The following NEDD9 variants were observed in gnomAD, a reference collection of about 807,000 sequenced individuals.
The protein encoded by NEDD9 is enhancer of filamentation 1.
In NEDD9, 26 loss-of-function variants were observed where a neutral mutation model predicts 76.6. The ratio of observed to expected loss-of-function variants is 0.34; its 90% CI spans 0.25 to 0.47. The LOEUF is 0.47. Ranked by LOEUF, NEDD9 falls within the 20% of genes least tolerant of loss-of-function variation. NEDD9 has a pLI of 1.00. For synonymous variants in NEDD9, 392 were observed against 414.2 expected, an observed-to-expected ratio of 0.95 and a Z score of 0.65; for missense variants, 937 against 1,058.5, an observed-to-expected ratio of 0.89 and a Z score of 1.59.
In NEDD9 at chr6:11,287,774, G is replaced by A. The variant is rs552582596; in HGVS notation, c.12+18218C>T. Among the ~76,000 whole-genome samples the A allele has an allele frequency of 3.1e-4, 47 of 152,282 alleles. No homozygotes were observed. In the South Asian group the frequency reaches 9.1e-3, roughly 30 times the overall value. On this transcript the variant is annotated intron_variant, in intron 3 of 3. Transcript: ENST00000397378. ...GAGTTTGGGGCAGAGAGTAGCAAAAGGATAAGGTTAAGACGCTAACCCATC... is the reference window on the plus strand; with the variant it reads ...GAGTTTGGGGCAGAGAGTAGCAAAAAGATAAGGTTAAGACGCTAACCCATC...
intron 1 of NEDD9, among the ~76,000 whole-genome samples, chr6:11,343,318 A>T (rs1275756385): frequency 6.6e-6 from 1 of 151,932 alleles, no homozygotes; most frequent in Non-Finnish European, 1.5e-5. Flanking sequence ...AATCCCAGCT[A>T]CTCAGGAGGC....
intron 3 of NEDD9, among the ~76,000 whole-genome samples, chr6:11,287,322 G>GGAGGCT (rs1405984178): frequency 6.6e-6 from 1 of 152,174 alleles, no homozygotes; most frequent in Non-Finnish European, 1.5e-5. Flanking sequence ...CAGACGCTCA[G>GGAGGCT]GAGGCTGAGG....
intron 3 of NEDD9, among the ~76,000 whole-genome samples, chr6:11,247,698 T>C (rs1054063180): frequency 2.6e-5 from 4 of 152,254 alleles, no homozygotes; most frequent in African/African-American, 9.6e-5. Context: ...TTCAGCCTGA[T>C]TTCAAAGGCT....
intron 3 of NEDD9, among the ~76,000 whole-genome samples, chr6:11,281,635 T>C (rs1319416279): frequency 6.6e-6 from 1 of 152,202 alleles, no homozygotes; most frequent in Non-Finnish European, 1.5e-5. Flanking sequence ...ATTACAGGCA[T>C]GAGCCACCAC....
At chr6:11,345,488 C>G (rs1372337579) in intron 1 of NEDD9, among the ~76,000 whole-genome samples, 1 of 151,206 alleles carries the variant, frequency 6.6e-6, no homozygotes, top group African/African-American at 2.5e-5. Context: ...GTGTGTGCTA[C>G]ATTTGAACAC....
chr6:11,319,445 CAT>C (rs1258250368), intron 2 of NEDD9, among the ~76,000 whole-genome samples: 5 of 151,230 alleles, frequency 3.3e-5, no homozygotes, highest in East Asian at 1.9e-4. Flanking sequence ...CACACACTAA[CAT>C]GTACACACAC....
At chr6:11,244,445 T>C (rs1076051) in intron 3 of NEDD9, among the ~76,000 whole-genome samples, 3,321 of 152,284 alleles carry the variant, frequency 0.022, 67 homozygotes, top group East Asian at 0.11. Context: ...TGATCTTTTA[T>C]TTCTTTCTCC....
At chr6:11,330,649 G>T (rs1762016438) in intron 2 of NEDD9, among the ~76,000 whole-genome samples, 1 of 152,182 alleles carries the variant, frequency 6.6e-6, no homozygotes, top group African/African-American at 2.4e-5. Context: ...GTGACAAAGG[G>T]CAGCCTGTTT....
intron 2 of NEDD9, among the ~76,000 whole-genome samples, chr6:11,324,410 C>T (rs759961399): frequency 6.6e-6 from 1 of 152,262 alleles, no homozygotes; most frequent in African/African-American, 2.4e-5. Context: ...ACCGCCCGAT[C>T]CCCTGGGATC....
chr6:11,327,506 A>G (rs1026858911), intron 2 of NEDD9, among the ~76,000 whole-genome samples: 1 of 152,242 alleles, frequency 6.6e-6, no homozygotes, highest in Non-Finnish European at 1.5e-5. Flanking sequence ...AGTCCCCTCC[A>G]GTATCTTCAC....
intron 1 of NEDD9, among the ~76,000 whole-genome samples, chr6:11,232,080 G>C (rs549219068): frequency 2.0e-5 from 3 of 152,068 alleles, no homozygotes; most frequent in Non-Finnish European, 4.4e-5. Context: ...TTTGCACTAA[G>C]AGCCAGTCTG....
chr6:11,245,775 C>T (rs1240900488), intron 3 of NEDD9, among the ~76,000 whole-genome samples: 4 of 152,088 alleles, frequency 2.6e-5, no homozygotes, highest in Non-Finnish European at 5.9e-5. Context: ...ATTTTTCCAT[C>T]GTGCTCTTGT....
chr6:11,184,838 G>GTTT lies in NEDD9; in HGVS notation c.*321_*323dup, dbSNP rs376554983. On this transcript the variant is annotated 3_prime_UTR_variant, in exon 7 of 7. Coordinates refer to ENST00000379446, the MANE Select transcript of NEDD9 (RefSeq NM_006403.4). ...TTACTAAGGTGCTTCGTAATTCATG[G>GTTT]TTTTTTTTTTAATGAAATGCATCAG... The GTTT allele has an allele frequency of 5.6e-5, 11 of 195,054 alleles. No individual in the cohort carries two copies. The highest frequency in any genetic ancestry group is 2.4e-4 in the African/African-American group (10 of 41,838). The allele number at this position is 195,054 out of a possible 1,614,324, so 12.1% of individuals were successfully genotyped here. A position where few individuals can be genotyped will look rare whatever the true frequency, so the allele number is the denominator to read the frequency against.
chr6:11,269,061 G>A (rs1267374142), intron 3 of NEDD9, among the ~76,000 whole-genome samples: 2 of 152,206 alleles, frequency 1.3e-5, no homozygotes, highest in Admixed American at 6.5e-5. Context: ...GAGGTTAACT[G>A]CAATTCAGTG....
At chr6:11,357,640 T>C (rs12661807) in intron 1 of NEDD9, among the ~76,000 whole-genome samples, 32,232 of 152,112 alleles carry the variant, frequency 0.21, 3,587 homozygotes, top group African/African-American at 0.28. Context: ...AAGTAACTTT[T>C]AAAAAAGATT....
chr6:11,203,017 G>A (rs1758498070), intron 2 of NEDD9, among the ~76,000 whole-genome samples: 1 of 152,174 alleles, frequency 6.6e-6, no homozygotes. Context: ...CTATTGTTAA[G>A]CCCCTAGCAT....
chr6:11,306,054 C>T (rs1323889848), exon 3 of NEDD9: 9 of 1,611,902 alleles, frequency 5.6e-6, no homozygotes, highest in African/African-American at 2.7e-5. Flanking sequence ...ACAATTCCGG[C>T]GTTTTACTCT....
At chr6:11,217,229 C>T (rs1054306324) in intron 1 of NEDD9, among the ~76,000 whole-genome samples, 2 of 152,100 alleles carry the variant, frequency 1.3e-5, no homozygotes, top group Non-Finnish European at 2.9e-5. Context: ...GCACATCAGT[C>T]GTAATAGGAA....
chr6:11,269,432 T>TAA, intron 3 of NEDD9, among the ~76,000 whole-genome samples: 1 of 152,358 alleles, frequency 6.6e-6, no homozygotes, highest in African/African-American at 2.4e-5. Context: ...CACTAATATC[T>TAA]AAGTTGAGAT....
Sources: allele counts gnomAD v4.1 joint callset (sites outside exome capture counted in the v4.1 genomes callset), GRCh38; gene constraint gnomAD v4.1.1; transcripts MANE v1.5; gene names NCBI Gene and HGNC (gene_info 2026-07-23, HGNC 2026-07-21).